The following CSGALNACT1 variants were observed in gnomAD, a reference collection of about 807,000 sequenced individuals.
CSGALNACT1 encodes chondroitin sulfate N-acetylgalactosaminyltransferase 1.
In CSGALNACT1, 52 loss-of-function variants were observed where a neutral mutation model predicts 51.0. The ratio of observed to expected loss-of-function variants is 1.02; its 90% CI spans 0.82 to 1.29. CSGALNACT1 has a LOEUF of 1.29. Among genes scored for constraint, CSGALNACT1 ranks in the 50% most tolerant of loss-of-function variants. The pLI is 0.00. For missense variants in CSGALNACT1, 935 were observed against 679.2 expected, an observed-to-expected ratio of 1.38 and a Z score of -4.19; for synonymous variants, 341 against 254.4, an observed-to-expected ratio of 1.34 and a Z score of -3.24.
intron 3 of CSGALNACT1, among the ~76,000 whole-genome samples, chr8:19,548,669 C>G (rs941623330): frequency 6.6e-6 from 1 of 152,186 alleles, no homozygotes; most frequent in Non-Finnish European, 1.5e-5. Context: ...ATTTTAAAAT[C>G]AAATGGTACT....
At chr8:19,479,239 C>T (rs1330814291) in intron 4 of CSGALNACT1, among the ~76,000 whole-genome samples, 1 of 152,226 alleles carries the variant, frequency 6.6e-6, no homozygotes, top group African/African-American at 2.4e-5. Context: ...GGAATCATTA[C>T]AGCTGTCACC....
chr8:19,646,461 G>A (rs1303619910), intron 1 of CSGALNACT1, among the ~76,000 whole-genome samples: 3 of 152,130 alleles, frequency 2.0e-5, no homozygotes, highest in Admixed American at 6.5e-5. Context: ...ACATGAAAAC[G>A]GATCATAATT....
chr8:19,427,382 C>A (rs745856957), intron 6 of CSGALNACT1, among the ~76,000 whole-genome samples: 1 of 152,154 alleles, frequency 6.6e-6, no homozygotes, highest in East Asian at 1.9e-4. Flanking sequence ...TGTTTTGAAT[C>A]GAGAAATCAA....
intron 3 of CSGALNACT1, among the ~76,000 whole-genome samples, chr8:19,566,387 A>C (rs914040221): frequency 6.6e-6 from 1 of 152,198 alleles, no homozygotes; most frequent in African/African-American, 2.4e-5. Context: ...TTGAATATCT[A>C]GTCTTTAGAA....
chr8:19,674,844 A>G (rs951364068), intron 1 of CSGALNACT1, among the ~76,000 whole-genome samples: 2 of 152,188 alleles, frequency 1.3e-5, no homozygotes, highest in Non-Finnish European at 1.5e-5. Flanking sequence ...AAAAAAAATC[A>G]TAAGTAGCTA....
chr8:19,540,171 T>C (rs1037748334), intron 3 of CSGALNACT1, among the ~76,000 whole-genome samples: 5 of 152,334 alleles, frequency 3.3e-5, no homozygotes, highest in Middle Eastern at 3.4e-3. Context: ...CATATTATTT[T>C]GGAATTGTTT....
rs199727809 is a variant in CSGALNACT1, at chr8:19,536,345, T to TA, written c.-296-30216dup. 6.0e-3 allele frequency among the ~76,000 whole-genome samples: 673 copies of TA among 111,354 alleles called. 6 individuals carry two copies. Among genetic ancestry groups the TA allele is most frequent in the African/African-American group, 0.025 (545 of 21,826 alleles). 73.1% of individuals were successfully genotyped at this position (111,354 alleles called of 152,430 possible). A position where few individuals can be genotyped will look rare whatever the true frequency, so the allele number is the denominator to read the frequency against. On this transcript the variant is annotated intron_variant, in intron 3 of 9. Coordinates refer to ENST00000454498, the Ensembl canonical transcript of CSGALNACT1. ...AACTTCAAAATTTTGTAAAAAATGT[T>TA]AAAAAAAACAAATGCATCTCCACAC...
At chr8:19,607,983 GAAC>G (rs77375289) in intron 1 of CSGALNACT1, among the ~76,000 whole-genome samples, 11,667 of 152,262 alleles carry the variant, frequency 0.077, 766 homozygotes, top group East Asian at 0.33. Context: ...CTTAAAAAGA[GAAC>G]TACTATAATG....
At chr8:19,567,536 G>A (rs2042141493) in intron 3 of CSGALNACT1, among the ~76,000 whole-genome samples, 1 of 152,060 alleles carries the variant, frequency 6.6e-6, no homozygotes, top group Non-Finnish European at 1.5e-5. Flanking sequence ...CACTTATTGG[G>A]GAAACGTTAA....
chr8:19,606,688 T>C (rs116304838), upstream of CSGALNACT1, among the ~76,000 whole-genome samples: 1,296 of 152,294 alleles, frequency 8.5e-3, 26 homozygotes, highest in African/African-American at 0.03. Flanking sequence ...TTTTAATCCT[T>C]TCACTCAAGT....
intron 1 of CSGALNACT1, among the ~76,000 whole-genome samples, chr8:19,624,744 TC>T (rs1163390058): frequency 4.0e-5 from 6 of 151,868 alleles, no homozygotes; most frequent in Non-Finnish European, 8.8e-5. Context: ...AGTGGCGAGA[TC>T]TCAGCTCACT....
chr8:19,439,685 T>C (rs2060988788), intron 6 of CSGALNACT1, 145 bp downstream of exon 5: 3 of 713,512 alleles, frequency 4.2e-6, no homozygotes, highest in Non-Finnish European at 7.5e-6. Context: ...GTGCAGACTT[T>C]TCCCTGAACA....
At chr8:19,446,946 G>C (rs2062228779) in intron 5 of CSGALNACT1, among the ~76,000 whole-genome samples, 1 of 152,194 alleles carries the variant, frequency 6.6e-6, no homozygotes, top group African/African-American at 2.4e-5. Context: ...AGAGAGTATG[G>C]AGAGTACAGA....
intron 3 of CSGALNACT1, among the ~76,000 whole-genome samples, chr8:19,519,805 G>C (rs373617304): frequency 1.3e-4 from 20 of 152,144 alleles, no homozygotes; most frequent in African/African-American, 4.8e-4. Flanking sequence ...TGGCATTCTG[G>C]TCTCTCCACC....
chr8:19,426,632 C>T (rs370611839), intron 6 of CSGALNACT1, among the ~76,000 whole-genome samples: 12 of 152,194 alleles, frequency 7.9e-5, no homozygotes, highest in African/African-American at 2.9e-4. Flanking sequence ...GTATTATCAA[C>T]TGACAAAACT....
intron 6 of CSGALNACT1, among the ~76,000 whole-genome samples, chr8:19,430,893 T>C (rs1265225075): frequency 6.6e-6 from 1 of 152,178 alleles, no homozygotes; most frequent in African/African-American, 2.4e-5. Context: ...ATAAAATTCT[T>C]GCACTTTTTT....
intron 4 of CSGALNACT1, among the ~76,000 whole-genome samples, chr8:19,500,972 G>A (rs111247520): frequency 0.15 from 22,674 of 152,176 alleles, 1,795 homozygotes; most frequent in Middle Eastern, 0.22. Context: ...GGCAGAGGCC[G>A]GGCACGGTGG....
At position 19,418,720 on chromosome 8, in the gene CSGALNACT1, C is replaced by A. The variant is rs372053910; in HGVS notation, c.1163G>T (p.Ser388Ile). The A allele has an allele frequency of 4.3e-6, 7 of 1,613,054 alleles. No homozygotes were observed. In the African/African-American group the frequency reaches 9.3e-5, roughly 22 times the overall value. ...GTATATTATGCCAGGATTGTACTGA[C>A]TGAAAAGAACTGGATAAAATACCTT... Residue 388 changes from serine to isoleucine, a missense_variant, in exon 8 of 10, where the codon AGT (serine) becomes ATT (isoleucine). By Grantham distance (142) the Ser-to-Ile change is moderately radical. Transcript: ENST00000454498.
chr8:19,488,451 C>G (rs1019328349), intron 4 of CSGALNACT1, among the ~76,000 whole-genome samples: 1 of 143,296 alleles, frequency 7.0e-6, no homozygotes, highest in Non-Finnish European at 1.5e-5. Context: ...AAGAGCCCTT[C>G]TTCACTGAAC....
Sources: gnomAD v4.1 joint callset for allele counts (sites outside exome capture counted in the v4.1 genomes callset) on GRCh38, gnomAD v4.1.1 for gene constraint, MANE v1.5 for transcripts, NCBI Gene and HGNC (gene_info 2026-07-23, HGNC 2026-07-21) for gene names.